The following GRAMD2B variants were observed in gnomAD, a reference collection of about 807,000 sequenced individuals.
GRAMD2B encodes GRAM domain containing 2B, also known as GRAM domain-containing protein 2B.
A neutral mutation model predicts 59.2 loss-of-function variants in GRAMD2B; 41 were observed. The ratio of observed to expected loss-of-function variants is 0.69; its 90% CI spans 0.54 to 0.90. The LOEUF is 0.90. Ranked by LOEUF, GRAMD2B falls within the 40% of genes least tolerant of loss-of-function variation. GRAMD2B has a pLI of 0.00. For synonymous variants in GRAMD2B, 161 were observed against 182.7 expected (o/e 0.88, Z 0.96); for missense variants, 424 against 500.5 (o/e 0.85, Z 1.46).
At chr5:126,492,552 G>A (rs937335432) in intron 13 of GRAMD2B, among the ~76,000 whole-genome samples, 2 of 151,580 alleles carry the variant, frequency 1.3e-5, no homozygotes, top group Non-Finnish European at 2.9e-5. Flanking sequence ...GAAACTCCAT[G>A]TATACAAAAA....
chr5:126,470,786 T>C (rs185114718), intron 3 of GRAMD2B, among the ~76,000 whole-genome samples: 3 of 152,176 alleles, frequency 2.0e-5, no homozygotes, highest in Non-Finnish European at 4.4e-5. Flanking sequence ...CTCAAACTCC[T>C]GGCCTCAGGC....
Position 126,483,556 on chromosome 5 carries a change from G to A in GRAMD2B, c.829G>A (p.Glu277Lys). Residue 277 changes from glutamate to lysine, a missense_variant, in exon 9 of 14, where the codon GAA becomes AAA. Transcript: ENST00000285689. ...TAGCAGTTCTGGTTCTCAAACTCCT[G>A]AATCTGAGAACTCTCGAGGTTTGGG... The part of the protein sequence containing the change: ...GYSSSGSQTP[E>K]SENSRDFHAT... The A allele has an allele frequency of 2.5e-6, 4 of 1,605,354 alleles. No homozygotes were observed. Among genetic ancestry groups the A allele is most frequent in the Non-Finnish European group, 3.4e-6 (4 of 1,173,154 alleles).
intron 13 of GRAMD2B, among the ~76,000 whole-genome samples, chr5:126,492,447 A>G (rs1774119530): frequency 6.6e-6 from 1 of 151,472 alleles, no homozygotes; most frequent in African/African-American, 2.4e-5. Flanking sequence ...TCAGCTGGAC[A>G]TGGTGGCTCA....
chr5:126,376,387 T>C (rs2061025662), intron 1 of GRAMD2B, among the ~76,000 whole-genome samples: 1 of 152,248 alleles, frequency 6.6e-6, no homozygotes, highest in African/African-American at 2.4e-5. Context: ...ACAGTCACAC[T>C]CATTATGCCT....
intron 12 of GRAMD2B, among the ~76,000 whole-genome samples, chr5:126,488,590 A>T (rs1237558526): frequency 1.3e-5 from 2 of 152,176 alleles, no homozygotes; most frequent in Admixed American, 1.3e-4. Context: ...AGCTTAAGAG[A>T]TTTCCCGCTG....
At chr5:126,371,439 C>T in exon 1 of GRAMD2B, 3 of 1,286,836 alleles carry the variant, frequency 2.3e-6, no homozygotes, top group South Asian at 1.2e-5. Flanking sequence ...TCAATAAGCG[C>T]ACAATGGTGA....
intron 1 of GRAMD2B, among the ~76,000 whole-genome samples, chr5:126,426,133 G>C (rs1760577283): frequency 6.6e-6 from 1 of 151,732 alleles, no homozygotes; most frequent in Admixed American, 6.6e-5. Context: ...ATTATGATTT[G>C]TCAATTAAAA....
chr5:126,445,097 T>C (rs1763968472), intron 1 of GRAMD2B, among the ~76,000 whole-genome samples: 1 of 152,218 alleles, frequency 6.6e-6, no homozygotes, highest in African/African-American at 2.4e-5. Context: ...CACTCTATAA[T>C]TGATGGGCAT....
At chr5:126,389,921 C>A (rs915880639) in intron 1 of GRAMD2B, among the ~76,000 whole-genome samples, 2 of 152,038 alleles carry the variant, frequency 1.3e-5, no homozygotes, top group Non-Finnish European at 2.9e-5. Context: ...GCACTCCAAC[C>A]TGCGCAACAG....
intron 1 of GRAMD2B, among the ~76,000 whole-genome samples, chr5:126,377,078 A>G (rs1043293185): frequency 1.3e-5 from 2 of 150,012 alleles, no homozygotes; most frequent in African/African-American, 4.9e-5. Context: ...CCCAGACTTC[A>G]CCAGATACTT....
chr5:126,399,657 G>C (rs1757658268), intron 1 of GRAMD2B, among the ~76,000 whole-genome samples: 1 of 152,126 alleles, frequency 6.6e-6, no homozygotes. Flanking sequence ...CTTTATAGCA[G>C]TGTGAAAATG....
Position 126,460,285 on chromosome 5 carries a change from A to C in GRAMD2B, c.84-5141A>C, listed in dbSNP as rs76567229. On this transcript the variant is annotated intron_variant, in intron 1 of 13. Transcript: ENST00000285689. ...TGTGGAGAGAAACTGGGTCACCATGAAACAGGGGTAAAAAGAAAATTTGTT... is the reference window on the plus strand; with the variant it reads ...TGTGGAGAGAAACTGGGTCACCATGCAACAGGGGTAAAAAGAAAATTTGTT... Among the ~76,000 whole-genome samples, 924 of 152,370 alleles carry C rather than the reference A, an allele frequency of 6.1e-3. 12 individuals carry two copies. Among genetic ancestry groups the C allele is most frequent in the African/African-American group, 0.021 (871 of 41,592 alleles).
At chr5:126,427,717 T>G (rs1282845645) in intron 1 of GRAMD2B, among the ~76,000 whole-genome samples, 3 of 152,188 alleles carry the variant, frequency 2.0e-5, no homozygotes, top group African/African-American at 7.2e-5. Flanking sequence ...CTATCCATCT[T>G]TGTGCATGGC....
chr5:126,488,045 G>A (rs1773270692), intron 12 of GRAMD2B, among the ~76,000 whole-genome samples: 1 of 152,192 alleles, frequency 6.6e-6, no homozygotes, highest in South Asian at 2.1e-4. Context: ...GAGAAATACT[G>A]TGTTATACCA....
chr5:126,394,207 A>G (rs546055846), intron 1 of GRAMD2B, among the ~76,000 whole-genome samples: 117 of 151,952 alleles, frequency 7.7e-4, no homozygotes, highest in African/African-American at 2.4e-3. Context: ...CCCGGGAGGC[A>G]GAGCTTGCAG....
At chr5:126,377,097 T>G (rs1282462485) in intron 1 of GRAMD2B, among the ~76,000 whole-genome samples, 2 of 148,426 alleles carry the variant, frequency 1.3e-5, no homozygotes, top group African/African-American at 5.0e-5. Flanking sequence ...TTCCGCACAT[T>G]CAATATTTTC....
At chr5:126,418,833 C>T (rs72782497), upstream of GRAMD2B, among the ~76,000 whole-genome samples, 8,115 of 152,068 alleles carry the variant, frequency 0.053, 439 homozygotes, top group African/African-American at 0.13. Flanking sequence ...CTGAACTTGC[C>T]CCCTTTTTCC....
chr5:126,437,955 C>T (rs1157255125), intron 1 of GRAMD2B, among the ~76,000 whole-genome samples: 3 of 152,238 alleles, frequency 2.0e-5, no homozygotes, highest in Admixed American at 1.3e-4. Context: ...CAGTGCCTGG[C>T]TTGCATCACA....
At chr5:126,465,284 G>A (rs1581159391) in intron 1 of GRAMD2B, 142 bp from the exon 2 acceptor site, 2 of 1,498,300 alleles carry the variant, frequency 1.3e-6, no homozygotes, top group African/African-American at 2.8e-5. Context: ...ATTGGGAAAG[G>A]GCCTCGCTGT....
Sources: allele counts gnomAD v4.1 joint callset (sites outside exome capture counted in the v4.1 genomes callset), GRCh38; gene constraint gnomAD v4.1.1; transcripts MANE v1.5; gene names NCBI Gene and HGNC (gene_info 2026-07-23, HGNC 2026-07-21).